The following LLGL2 variants were observed in gnomAD, a reference collection of about 807,000 sequenced individuals.
LLGL2 encodes the protein LLGL scribble cell polarity complex component 2.
Under a neutral mutation model 123.2 loss-of-function variants are expected in LLGL2, and 81 were observed. The observed-to-expected ratio is 0.66, with a 90% CI of 0.55 to 0.79. The LOEUF (loss-of-function observed/expected upper bound fraction) is 0.79, where lower values mean the gene tolerates loss of function less well. LLGL2 is among the 30% of genes least tolerant of loss of function. The pLI, the probability that LLGL2 is intolerant of heterozygous loss-of-function variation, is 0.00. For missense variants in LLGL2, 1,273 were observed against 1,414.6 expected (o/e 0.90, Z 1.61); for synonymous variants, 577 against 594.1 (o/e 0.97, Z 0.42).
chr17:75,540,170 G>A (rs2054155019), intron 1 of LLGL2, among the ~76,000 whole-genome samples: 1 of 152,144 alleles, frequency 6.6e-6, no homozygotes. Flanking sequence ...TACAACCCCT[G>A]GCTCCCTCCA....
Position 75,556,116 on chromosome 17 carries a change from T to G in LLGL2, c.146T>G (p.Ile49Ser). The G allele has an allele frequency of 6.2e-7, 1 of 1,610,064 alleles. No individual in the cohort carries two copies. Among genetic ancestry groups the G allele is most frequent in the African/African-American group, 1.3e-5 (1 of 75,026 alleles). The change falls in exon 3 of 26, where the codon ATC (isoleucine) becomes AGC (serine). Residue 49 changes from isoleucine to serine, a missense_variant. Ile to Ser is a moderately radical substitution (Grantham distance 142). Coordinates refer to ENST00000392550, the MANE Select transcript of LLGL2 (RefSeq NM_001031803.2). ...AGCCCGTCCCTGCGCATCCTGGCCA[T>G]CGGCACCCGTTCTGGAGCCATCAAG... ...GYSPSLRILA[I>S]GTRSGAIKLY...
At position 75,567,220 on chromosome 17, in the gene LLGL2, T is replaced by C. The variant is rs764839579; in HGVS notation, c.1037-1256T>C. ...GTGGCTCAGCTGTAATCCTAGCACT[T>C]TGGGAGGCCAAGGATGGCAGATCAC... On this transcript the variant is annotated intron_variant, in intron 10 of 25. Coordinates refer to ENST00000392550, the MANE Select transcript of LLGL2 (RefSeq NM_001031803.2). 4.2e-4 allele frequency among the ~76,000 whole-genome samples: 64 copies of C among 152,090 alleles called. 1 individual carries two copies. The highest frequency in any genetic ancestry group is 8.8e-5 in the Non-Finnish European group (6 of 68,024).
intron 1 of LLGL2, 67 bp from the exon 2 acceptor site, chr17:75,543,330 T>A: frequency 9.0e-7 from 1 of 1,116,714 alleles, no homozygotes; most frequent in African/African-American, 1.6e-5. Flanking sequence ...GCTCCACCTG[T>A]TTGGGCCGGG....
chr17:75,570,589 G>T (rs1238667943), intron 16 of LLGL2, 91 bp downstream of exon 16: 62 of 1,425,914 alleles, frequency 4.3e-5, no homozygotes, highest in Non-Finnish European at 5.0e-5. Flanking sequence ...TGCTCCCCAG[G>T]CTTGCTAGGC....
At position 75,564,275 on chromosome 17, in the gene LLGL2, T is replaced by G; in HGVS notation, c.882-78T>G. Reference sequence around the variant, plus strand: ...GCTCCTGGGGACCTTGACTGAGTGGTGACTTTGATTGCCGGCCTGTGGCTG... The same window carrying G: ...GCTCCTGGGGACCTTGACTGAGTGGGGACTTTGATTGCCGGCCTGTGGCTG... On this transcript the variant is annotated intron_variant, in intron 9 of 25. Transcript: ENST00000392550. The surrounding 1 kb of genome is among the most constrained non-coding windows in gnomAD (Gnocchi z 4.9). 3 of 1,539,172 alleles carry G rather than the reference T, an allele frequency of 1.9e-6. No individual in the cohort carries two copies. The highest frequency in any genetic ancestry group is 2.6e-6 in the Non-Finnish European group (3 of 1,146,576).
intron 2 of LLGL2, among the ~76,000 whole-genome samples, chr17:75,552,760 TC>T (rs1194275475): frequency 6.6e-6 from 1 of 152,186 alleles, no homozygotes; most frequent in Non-Finnish European, 1.5e-5. Flanking sequence ...CCCGAGTTGT[TC>T]CAGACATACT....
chr17:75,558,403 C>A lies in LLGL2; in HGVS notation c.256-109C>A. The A allele has an allele frequency of 1.7e-6, 2 of 1,171,450 alleles. No individual in the cohort carries two copies. The highest frequency in any genetic ancestry group is 2.4e-6 in the Non-Finnish European group (2 of 831,524). 72.6% of individuals were successfully genotyped at this position (1,171,450 alleles called of 1,614,324 possible). On this transcript the variant is annotated intron_variant, in intron 4 of 25. Transcript: ENST00000392550. The surrounding 1 kb of genome is among the most constrained non-coding windows in gnomAD (Gnocchi z 4.0). ...CCACAGCTGGGGCTCATGGGCCACC[C>A]TGGGAGTGGCCAGGGGGTCTTTTAA...
chr17:75,573,427 A>G, intron 20 of LLGL2, 54 bp from the exon 21 acceptor site: 2 of 1,583,854 alleles, frequency 1.3e-6, no homozygotes, highest in Non-Finnish European at 1.7e-6. Flanking sequence ...CCAGGTGGGG[A>G]GGCAGCCTTG....
At chr17:75,526,983 C>G (rs1349865150) in intron 1 of LLGL2, among the ~76,000 whole-genome samples, 1 of 151,742 alleles carries the variant, frequency 6.6e-6, no homozygotes, top group Non-Finnish European at 1.5e-5. Flanking sequence ...GCCTGGGCAA[C>G]ATAGTGAGAC....
intron 6 of LLGL2, chr17:75,562,697 T>C (rs2055273487): frequency 3.3e-6 from 1 of 302,874 alleles, no homozygotes; most frequent in Non-Finnish European, 6.4e-6. Flanking sequence ...GCCTCCCAAG[T>C]AGCTGGGGTT....
chr17:75,525,818 G>C lies in LLGL2; in HGVS notation c.-38G>C, dbSNP rs1163180099. 6.6e-6 allele frequency: 1 copy of C among 151,550 alleles called. No individual in the cohort carries two copies. Among genetic ancestry groups the C allele is most frequent in the Admixed American group, 6.6e-5 (1 of 15,220 alleles). 9.4% of individuals were successfully genotyped at this position (151,550 alleles called of 1,614,324 possible). On this transcript the variant is annotated 5_prime_UTR_variant, in exon 1 of 26. Transcript: ENST00000392550. The surrounding 1 kb of genome is among the most constrained non-coding windows in gnomAD (Gnocchi z 4.8). ...AGGCCTCGGGCGGGGGCTGGCCCGG[G>C]GTTCCAGGTGAGATGCGTGCCGGAC...
intron 6 of LLGL2, among the ~76,000 whole-genome samples, chr17:75,560,691 GGT>G (rs1299707970): frequency 6.6e-6 from 1 of 150,414 alleles, no homozygotes; most frequent in Non-Finnish European, 1.5e-5. Flanking sequence ...TCTCCATGGT[GGT>G]CAAACTAGTC....
intron 16 of LLGL2, 51 bp downstream of exon 16, chr17:75,570,549 G>C (rs758542095): frequency 1.3e-6 from 2 of 1,536,494 alleles, no homozygotes; most frequent in African/African-American, 2.7e-5. Flanking sequence ...GTTCGGCTCA[G>C]AGCAGCCAGC....
In LLGL2 at chr17:75,571,918, C is replaced by A; in HGVS notation, c.2314C>A (p.His772Asn). The change falls in exon 19 of 26, where the codon CAC (histidine) becomes AAC (asparagine). Residue 772 changes from histidine to asparagine, a missense_variant. Coordinates refer to ENST00000392550, the MANE Select transcript of LLGL2 (RefSeq NM_001031803.2). Reference sequence around the variant, plus strand: ...CCTAGCCAAGGAGATCCAGCTGATGCACCGGGCGCCGGTGGTGGGCATCCT... The same window carrying A: ...CCTAGCCAAGGAGATCCAGCTGATGAACCGGGCGCCGGTGGTGGGCATCCT... ...AEQAKEIQLMHRAPVVGILVL... is the reference protein window; with the variant it reads ...AEQAKEIQLMNRAPVVGILVL... The A allele has an allele frequency of 6.2e-7, 1 of 1,612,368 alleles. No individual in the cohort carries two copies. The highest frequency in any genetic ancestry group is 1.1e-5 in the South Asian group (1 of 91,082).
In LLGL2 at chr17:75,572,074, G is replaced by T; in HGVS notation, c.2460+10G>T. ...AGAGGAGCAGTTCAAGGTGCCACAC[G>T]GGCAGCGGCGGGTCTCCCTGGGACT... On this transcript the variant is annotated intron_variant, in intron 19 of 25. Coordinates refer to ENST00000392550, the MANE Select transcript of LLGL2 (RefSeq NM_001031803.2). 3 of 1,604,868 alleles carry T rather than the reference G, an allele frequency of 1.9e-6. No individual in the cohort carries two copies. The highest frequency in any genetic ancestry group is 2.2e-5 in the South Asian group (2 of 90,764).
rs576054028 is a variant in LLGL2 at position 75,535,679 on chromosome 17, G to T, written c.-30-7718G>T. On this transcript the variant is annotated intron_variant, in intron 1 of 25. Transcript: ENST00000392550. ...CACAATCGCATCTGCCACTTAGAGC[G>T]AGGGGGGCCCAAGGCAAGTCCACCC... Among the ~76,000 whole-genome samples the T allele has an allele frequency of 1.4e-4, 22 of 152,332 alleles. No individual in the cohort carries two copies. The South Asian group carries it at 4.6e-3, about 32-fold the overall frequency.
chr17:75,571,697 G>A lies in LLGL2; in HGVS notation c.2207G>A (p.Gly736Asp). Reference sequence around the variant, plus strand: ...CGGCACTGCCCCTCGCTGTGGGCTGGCACCAATGGGGGCACCATCTATGCC... The same window carrying A: ...CGGCACTGCCCCTCGCTGTGGGCTGACACCAATGGGGGCACCATCTATGCC... ...SSRHCPSLWA[G>D]TNGGTIYAFS... Residue 736 changes from glycine to aspartate, a missense_variant, in exon 18 of 26, where the codon GGC (glycine) becomes GAC (aspartate). Coordinates refer to ENST00000392550, the MANE Select transcript of LLGL2 (RefSeq NM_001031803.2). 1 of 1,609,444 alleles carries A rather than the reference G, an allele frequency of 6.2e-7. No individual in the cohort carries two copies. Among genetic ancestry groups the A allele is most frequent in the Middle Eastern group, 1.7e-4 (1 of 5,964 alleles).
In LLGL2 at chr17:75,573,293, CT is replaced by C. The variant is rs2055811149; in HGVS notation, c.2725+16del. 1.3e-6 allele frequency: 2 copies of C among 1,586,068 alleles called. No homozygotes were observed. The highest frequency in any genetic ancestry group is 1.7e-5 in the Admixed American group (1 of 59,150). ...ATATGGCCAAGGTGTTTGAGCCGGG[CT>C]GGGTGGGTGTCGGGGCCCCGGGCAC... On this transcript the variant is annotated intron_variant, in intron 20 of 25. Transcript: ENST00000392550.
intron 25 of LLGL2, 21 bp from the exon 26 acceptor site, chr17:75,574,850 C>A (rs761073701): frequency 6.2e-6 from 10 of 1,613,816 alleles, no homozygotes; most frequent in Non-Finnish European, 5.9e-6. Flanking sequence ...TGATCTTGAG[C>A]TGTCCCTCTG....
Sources: allele counts gnomAD v4.1 joint callset (sites outside exome capture counted in the v4.1 genomes callset), GRCh38; gene constraint gnomAD v4.1.1; non-coding constraint Gnocchi (gnomAD v3.1); transcripts MANE v1.5; gene names NCBI Gene and HGNC (gene_info 2026-07-23, HGNC 2026-07-21).